KCND2: variants seen among roughly 807,000 people sequenced by gnomAD.
KCND2 encodes the protein A-type voltage-gated potassium channel KCND2.
A neutral mutation model predicts 54.4 loss-of-function variants in KCND2; 16 were observed. The observed-to-expected ratio is 0.29, with a 90% CI of 0.20 to 0.45. The LOEUF (loss-of-function observed/expected upper bound fraction) is 0.45. Among genes scored for constraint, KCND2 ranks in the 20% least tolerant of loss-of-function variants. KCND2 has a pLI of 1.00. For missense variants in KCND2, 486 were observed against 824.2 expected (o/e 0.59, Z 5.02); for synonymous variants, 317 against 310.7 (o/e 1.02, Z -0.21).
intron 1 of KCND2, among the ~76,000 whole-genome samples, chr7:120,284,651 G>A (rs1253446210): frequency 1.3e-5 from 2 of 152,090 alleles, no homozygotes; most frequent in African/African-American, 2.4e-5. Context: ...AAATCATTTT[G>A]TAGAAATGTC....
chr7:120,683,166 A>G (rs1792161299), intron 1 of KCND2, among the ~76,000 whole-genome samples: 1 of 152,192 alleles, frequency 6.6e-6, no homozygotes, highest in African/African-American at 2.4e-5. Flanking sequence ...GTTTCGTATC[A>G]AGCACCAAGC....
In KCND2 at chr7:120,374,918, A is replaced by G. The variant is rs1800816415; in HGVS notation, c.1115+99171A>G. Among the ~76,000 whole-genome samples the G allele has an allele frequency of 2.0e-5, 3 of 151,922 alleles. No homozygotes were observed. In the South Asian group the frequency reaches 6.2e-4, roughly 32 times the overall value. On this transcript the variant is annotated intron_variant, in intron 1 of 5. Transcript: ENST00000331113. ...AATTGTCTTGTATTTAGGCCAAACC[A>G]CTGGCTCTTTTCAGTGTTTACACTG...
intron 1 of KCND2, among the ~76,000 whole-genome samples, chr7:120,479,794 CACAAA>C (rs1420928758): frequency 3.4e-5 from 3 of 89,172 alleles, no homozygotes; most frequent in African/African-American, 1.7e-4. Flanking sequence ...TATACACACA[CACAAA>C]AAAAAAAAAA....
At chr7:120,450,341 T>C (rs976620657) in intron 1 of KCND2, among the ~76,000 whole-genome samples, 1 of 151,752 alleles carries the variant, frequency 6.6e-6, no homozygotes, top group Non-Finnish European at 1.5e-5. Context: ...ACCTGGGAGG[T>C]GAGGTTGCAG....
At chr7:120,345,747 T>C (rs1800307742) in intron 1 of KCND2, among the ~76,000 whole-genome samples, 1 of 152,190 alleles carries the variant, frequency 6.6e-6, no homozygotes, top group Non-Finnish European at 1.5e-5. Context: ...CATTTATCCA[T>C]AGATGGACAC....
At position 120,467,544 on chromosome 7, in the gene KCND2, C is replaced by T. The variant is rs145705097; in HGVS notation, c.1115+191797C>T. ...AAACCATCTGGCAAGTCTACATTTA[C>T]AAGGGAACAGAGTGGCAGACCCAAC... On this transcript the variant is annotated intron_variant, in intron 1 of 5. Coordinates refer to ENST00000331113, the MANE Select transcript of KCND2 (RefSeq NM_012281.3). 3.7e-4 allele frequency among the ~76,000 whole-genome samples: 57 copies of T among 152,182 alleles called. No homozygotes were observed. The East Asian group carries it at 0.01, about 28-fold the overall frequency.
At chr7:120,621,975 T>C (rs1793105008) in intron 1 of KCND2, among the ~76,000 whole-genome samples, 1 of 151,910 alleles carries the variant, frequency 6.6e-6, no homozygotes, top group African/African-American at 2.4e-5. Flanking sequence ...TTTTTTGTTG[T>C]TGTTGTTTTG....
At chr7:120,683,175 G>C (rs901303600) in intron 1 of KCND2, among the ~76,000 whole-genome samples, 12 of 152,136 alleles carry the variant, frequency 7.9e-5, no homozygotes, top group Non-Finnish European at 1.8e-4. Context: ...CAAGCACCAA[G>C]CATCATGCCT....
At chr7:120,277,754 GACA>G (rs1023463667) in intron 1 of KCND2, among the ~76,000 whole-genome samples, 26 of 151,964 alleles carry the variant, frequency 1.7e-4, no homozygotes, top group South Asian at 6.2e-4. Context: ...GAAAATATGA[GACA>G]ACATTAAACA....
chr7:120,577,827 C>T (rs1792456859), intron 1 of KCND2, among the ~76,000 whole-genome samples: 1 of 152,166 alleles, frequency 6.6e-6, no homozygotes, highest in Admixed American at 6.5e-5. Context: ...CCTCGTGATT[C>T]ACCTGCATTG....
chr7:120,644,809 A>G lies in KCND2; in HGVS notation c.1116-88094A>G, dbSNP rs553010370. ...TACAGAAATTATTTGTGTGTCTAGT[A>G]TTTATCTCTTATCCTAATATATCCT... On this transcript the variant is annotated intron_variant, in intron 1 of 5. Coordinates refer to ENST00000331113, the MANE Select transcript of KCND2 (RefSeq NM_012281.3). Among the ~76,000 whole-genome samples the G allele has an allele frequency of 2.0e-5, 3 of 152,324 alleles. No homozygotes were observed. In the South Asian group the frequency reaches 6.2e-4, roughly 32 times the overall value.
chr7:120,537,974 G>T (rs1475464901), intron 1 of KCND2, among the ~76,000 whole-genome samples: 1 of 152,072 alleles, frequency 6.6e-6, no homozygotes, highest in Non-Finnish European at 1.5e-5. Context: ...TTTTCTTCAG[G>T]ATCTTTTCCT....
chr7:120,313,913 C>G (rs1799775701), intron 1 of KCND2, among the ~76,000 whole-genome samples: 1 of 151,496 alleles, frequency 6.6e-6, no homozygotes, highest in Non-Finnish European at 1.5e-5. Flanking sequence ...TATTTTAAAC[C>G]TTTGTAAGGA....
Position 120,577,126 on chromosome 7 carries a change from A to G in KCND2, c.1116-155777A>G, listed in dbSNP as rs767739209. On this transcript the variant is annotated intron_variant, in intron 1 of 5. Coordinates refer to ENST00000331113, the MANE Select transcript of KCND2 (RefSeq NM_012281.3). ...TGTGCCACTGCACTCCAGCCTGGAC[A>G]ACAGAGTGAGACTCTGTCTCCAAAT... Among the ~76,000 whole-genome samples, 3 of 152,096 alleles carry G rather than the reference A, an allele frequency of 2.0e-5. No individual in the cohort carries two copies. The South Asian group carries it at 6.2e-4, about 32-fold the overall frequency.
chr7:120,455,671 A>G (rs1802189115), intron 1 of KCND2, among the ~76,000 whole-genome samples: 1 of 152,186 alleles, frequency 6.6e-6, no homozygotes, highest in South Asian at 2.1e-4. Context: ...GAATGAGATC[A>G]TGTTTTTTGC....
chr7:120,455,512 A>G (rs1447508464), intron 1 of KCND2, among the ~76,000 whole-genome samples: 1 of 152,192 alleles, frequency 6.6e-6, no homozygotes, highest in Non-Finnish European at 1.5e-5. Context: ...AAATTGTTCT[A>G]CCATAAAGAC....
chr7:120,296,315 A>G (rs986701092), intron 1 of KCND2, among the ~76,000 whole-genome samples: 1 of 152,044 alleles, frequency 6.6e-6, no homozygotes. Context: ...TCTAATTGTG[A>G]CTTTTGTCCT....
At chr7:120,742,918 T>C (rs1485919282) in intron 4 of KCND2, among the ~76,000 whole-genome samples, 3 of 152,310 alleles carry the variant, frequency 2.0e-5, no homozygotes, top group African/African-American at 7.2e-5. Context: ...TCATTTTCTG[T>C]GATTCTTAAA....
chr7:120,337,011 G>C (rs1225144706), intron 1 of KCND2, among the ~76,000 whole-genome samples: 3 of 151,970 alleles, frequency 2.0e-5, no homozygotes, highest in Non-Finnish European at 2.9e-5. Flanking sequence ...CTTTTGTTTG[G>C]CTTTTTTTTT....
Sources: gnomAD v4.1 joint callset for allele counts (sites outside exome capture counted in the v4.1 genomes callset) on GRCh38, gnomAD v4.1.1 for gene constraint, MANE v1.5 for transcripts, NCBI Gene and HGNC (gene_info 2026-07-23, HGNC 2026-07-21) for gene names.